Variants in ANXA8 observed in about 807,000 individuals in gnomAD.
ANXA8 encodes VAC-beta.
ANXA8 carries 9 observed loss-of-function variants against 26.8 expected under a neutral mutation model. The observed-to-expected ratio is 0.34, with a 90% CI of 0.20 to 0.59. The LOEUF (loss-of-function observed/expected upper bound fraction) is 0.59. Ranked by LOEUF, ANXA8 falls within the 20% of genes least tolerant of loss-of-function variation. The pLI, the probability that ANXA8 is intolerant of heterozygous loss-of-function variation, is 0.84. For missense variants in ANXA8, 83 were observed against 238.5 expected (o/e 0.35, Z 4.29); for synonymous variants, 39 against 94.8 (o/e 0.41, Z 3.42).
chr10:47,729,418 G>A, the ANXA8 span, among the ~76,000 whole-genome samples: 10 of 142,960 alleles, frequency 7.0e-5, 1 homozygote, highest in African/African-American at 1.2e-4. Flanking sequence ...GAGCATGGTC[G>A]ATGGTGCTCT....
the ANXA8 span, among the ~76,000 whole-genome samples, chr10:47,949,906 A>G: frequency 2.0e-5 from 3 of 150,588 alleles, no homozygotes; most frequent in African/African-American, 7.4e-5. Context: ...ACCCAACTAT[A>G]CTGATAATTA....
chr10:47,902,899 CTT>C, the ANXA8 span, among the ~76,000 whole-genome samples: 1 of 152,062 alleles, frequency 6.6e-6, no homozygotes, highest in African/African-American at 2.4e-5. Context: ...TCTCATGTAA[CTT>C]AACATGTCAA....
chr10:47,958,557 G>A, the ANXA8 span, among the ~76,000 whole-genome samples: 18 of 148,068 alleles, frequency 1.2e-4, 1 homozygote, highest in South Asian at 6.3e-4. Context: ...CAGATCCCTC[G>A]TGTGCCTTCC....
the ANXA8 span, among the ~76,000 whole-genome samples, chr10:47,675,813 G>C: frequency 2.0e-5 from 3 of 151,754 alleles, 1 homozygote; most frequent in African/African-American, 7.3e-5. Flanking sequence ...TATCAGACAG[G>C]GATTTAAAGA....
chr10:47,706,837 T>C, the ANXA8 span: 3 of 888,606 alleles, frequency 3.4e-6, no homozygotes, highest in Non-Finnish European at 5.3e-6. Flanking sequence ...GAAGATAAAC[T>C]ATGCTTCTTT....
chr10:47,960,488 G>A, the ANXA8 span, among the ~76,000 whole-genome samples: 2 of 149,428 alleles, frequency 1.3e-5, no homozygotes, highest in Non-Finnish European at 1.5e-5. Flanking sequence ...ACACCTTGGG[G>A]GAACTCTCAT....
chr10:47,552,081 G>A, the ANXA8 span: 6 of 178,174 alleles, frequency 3.4e-5, no homozygotes, highest in South Asian at 9.6e-4. Flanking sequence ...CTGAACAAGG[G>A]TAGAAACTGC....
the ANXA8 span, chr10:47,991,541 T>C: frequency 6.3e-7 from 1 of 1,577,446 alleles, no homozygotes; most frequent in East Asian, 2.2e-5. Context: ...CTTCCCACCC[T>C]CCATGCTTGG....
chr10:47,510,956 A>T, the ANXA8 span, among the ~76,000 whole-genome samples: 1 of 123,222 alleles, frequency 8.1e-6, no homozygotes, highest in Non-Finnish European at 1.7e-5. Context: ...TTATTTATTT[A>T]TTTTTGAGAC....
At chr10:47,684,428 G>GT in the ANXA8 span, among the ~76,000 whole-genome samples, 1 of 151,142 alleles carries the variant, frequency 6.6e-6, no homozygotes, top group Admixed American at 6.6e-5. Context: ...TTTTTTGGGG[G>GT]GGGGGTGAGG....
the ANXA8 span, among the ~76,000 whole-genome samples, chr10:47,957,459 G>A: frequency 4.0e-5 from 6 of 150,636 alleles, no homozygotes; most frequent in South Asian, 2.1e-4. Flanking sequence ...CTCTGGTCCC[G>A]GCCTCAGTCA....
At chr10:47,497,279 A>G in the ANXA8 span, among the ~76,000 whole-genome samples, 1 of 126,814 alleles carries the variant, frequency 7.9e-6, no homozygotes, top group Non-Finnish European at 1.6e-5. Context: ...AGATCGTGCC[A>G]TTGCACTCCA....
upstream of ANXA8, among the ~76,000 whole-genome samples, chr10:47,486,504 T>A (rs1226757476): frequency 0.084 from 9,579 of 113,900 alleles, 676 homozygotes; most frequent in East Asian, 0.19. Flanking sequence ...GAAGCATCTG[T>A]TTCATCATGA....
the ANXA8 span, among the ~76,000 whole-genome samples, chr10:47,626,718 A>G: frequency 6.7e-6 from 1 of 150,328 alleles, no homozygotes; most frequent in Non-Finnish European, 1.5e-5. Flanking sequence ...AACAAATAAT[A>G]AAGTGTTTTG....
chr10:47,659,807 G>T, the ANXA8 span, among the ~76,000 whole-genome samples: 1 of 147,010 alleles, frequency 6.8e-6, no homozygotes, highest in African/African-American at 2.5e-5. Context: ...CTGAGGCTGG[G>T]GTGCAGTGAT....
At chr10:47,617,049 T>C in the ANXA8 span, among the ~76,000 whole-genome samples, 4 of 72,690 alleles carry the variant, frequency 5.5e-5, no homozygotes, top group East Asian at 1.1e-3. Flanking sequence ...GTCATATATA[T>C]ACATATAAAT....
At chr10:47,721,247 T>G in the ANXA8 span, among the ~76,000 whole-genome samples, 1 of 142,248 alleles carries the variant, frequency 7.0e-6, no homozygotes, top group Non-Finnish European at 1.5e-5. Context: ...TTTATATCAT[T>G]CCAAATGTTT....
At chr10:47,941,829 A>T in the ANXA8 span, among the ~76,000 whole-genome samples, 1 of 147,760 alleles carries the variant, frequency 6.8e-6, no homozygotes, top group Non-Finnish European at 1.5e-5. Context: ...AGCACTACTC[A>T]GAAGGAAAAG....
chr10:47,705,834 A>T, the ANXA8 span, among the ~76,000 whole-genome samples: 2 of 151,796 alleles, frequency 1.3e-5, no homozygotes, highest in Non-Finnish European at 2.9e-5. Context: ...GTCATGACGC[A>T]GCGAGTTTCA....
Sources: gnomAD v4.1 joint callset for allele counts (sites outside exome capture counted in the v4.1 genomes callset) on GRCh38, gnomAD v4.1.1 for gene constraint, MANE v1.5 for transcripts, NCBI Gene and HGNC (gene_info 2026-07-23, HGNC 2026-07-21) for gene names.